Variants in RADIL observed in about 807,000 individuals in gnomAD.
RADIL encodes the protein ras-associating and dilute domain-containing protein.
A neutral mutation model predicts 97.6 loss-of-function variants in RADIL; 99 were observed. The ratio of observed to expected loss-of-function variants is 1.01; its 90% confidence interval spans 0.86 to 1.20. The LOEUF (loss-of-function observed/expected upper bound fraction) is 1.20. Ranked by LOEUF, RADIL falls within the 50% of genes most tolerant of loss-of-function variation. The pLI is 0.00. For synonymous variants in RADIL, 803 were observed against 691.8 expected (o/e 1.16, Z -2.52); for missense variants, 1,765 against 1,498.9 (o/e 1.18, Z -2.93).
rs2115008345 is a variant in RADIL, at chr7:4,840,123, C to T, written c.536-3518G>A. On this transcript the variant is annotated intron_variant, in intron 2 of 14. Coordinates refer to ENST00000399583, the MANE Select transcript of RADIL (RefSeq NM_018059.5). The surrounding 1 kb of genome is among the most constrained non-coding windows in gnomAD (Gnocchi z 5.6). Reference sequence around the variant, plus strand: ...CTCACGTGTGGCTTTGTGACTTGGCCCTGTCCCAAGATGAGGCTGCGGCAG... The same window carrying T: ...CTCACGTGTGGCTTTGTGACTTGGCTCTGTCCCAAGATGAGGCTGCGGCAG... Among the ~76,000 whole-genome samples, 1 of 152,268 alleles carries T rather than the reference C, an allele frequency of 6.6e-6. No homozygotes were observed. The highest frequency in any genetic ancestry group is 1.5e-5 in the Non-Finnish European group (1 of 68,014).
chr7:4,799,377 C>T lies in RADIL; in HGVS notation c.*1G>A. 2 of 1,613,594 alleles carry T rather than the reference C, an allele frequency of 1.2e-6. No individual in the cohort carries two copies. Among genetic ancestry groups the T allele is most frequent in the Non-Finnish European group, 1.7e-6 (2 of 1,179,946 alleles). ...CCTGTGGGGGTGTCCTCGCAGCCCC[C>T]CTAGAGAGGGGGCGTGCGGAAATGG... On this transcript the variant is annotated 3_prime_UTR_variant, in exon 15 of 15. Transcript: ENST00000399583.
At position 4,875,148 on chromosome 7, in the gene RADIL, T is replaced by G. The variant is rs185577549; in HGVS notation, c.535+2457A>C. 2.3e-4 allele frequency among the ~76,000 whole-genome samples: 31 copies of G among 136,166 alleles called. 4 individuals are homozygous for G. The highest frequency in any genetic ancestry group is 9.9e-4 in the African/African-American group (29 of 29,202). The allele number at this position is 136,166 out of a possible 152,430, so 89.3% of individuals were successfully genotyped here. ...CGGAGCTTGCAGTGAGCCGAGATTGTGCCACTGCACTCCAGCCTGGGCGAC... is the reference window on the plus strand; with the variant it reads ...CGGAGCTTGCAGTGAGCCGAGATTGGGCCACTGCACTCCAGCCTGGGCGAC... On this transcript the variant is annotated intron_variant, in intron 2 of 14. Transcript: ENST00000399583.
rs778376194 is a variant in RADIL at position 4,801,941 on chromosome 7, C to G, written c.2554G>C (p.Ala852Pro). 20 of 1,565,058 alleles carry G rather than the reference C, an allele frequency of 1.3e-5. No homozygotes were observed. Among genetic ancestry groups the G allele is most frequent in the Non-Finnish European group, 1.6e-5 (19 of 1,158,234 alleles). The change falls in exon 12 of 15, where the codon GCT becomes CCT. Residue 852 changes from alanine (A) to proline (P), a missense_variant. Ala to Pro is a conservative substitution (Grantham distance 27, BLOSUM62 -1). Coordinates refer to ENST00000399583, the MANE Select transcript of RADIL (RefSeq NM_018059.5). ...GCTGCTGGGCCAGGGTCCCTGGGAG[C>G]CAGGGGGCAGCTCGGGGCCTCCAGG... ...GHLEAPSCPL[A>P]PRDPGPAARE... is the part of the protein sequence containing the mutation.
intron 9 of RADIL, among the ~76,000 whole-genome samples, chr7:4,812,813 C>T (rs1005381399): frequency 2.0e-5 from 3 of 152,144 alleles, no homozygotes; most frequent in East Asian, 1.9e-4. Flanking sequence ...AGCTCTCATC[C>T]GTCATCTCCT....
intron 9 of RADIL, chr7:4,809,216 T>C: frequency 2.0e-6 from 2 of 985,276 alleles, no homozygotes; most frequent in Non-Finnish European, 2.4e-6. Context: ...GACTCGGGCC[T>C]GCCCATCTCC....
intron 2 of RADIL, chr7:4,859,872 G>T: frequency 6.8e-7 from 1 of 1,480,190 alleles, no homozygotes; most frequent in Non-Finnish European, 9.3e-7. Context: ...TTCTTTATGA[G>T]GCAAGAATAT....
Position 4,819,961 on chromosome 7 carries a change from C to T in RADIL, c.1615+2433G>A, listed in dbSNP as rs867380536. On this transcript the variant is annotated intron_variant, in intron 6 of 14. Transcript: ENST00000399583. The surrounding 1 kb of genome is among the most constrained non-coding windows in gnomAD (Gnocchi z 5.8). ...AATTTTTCCCATGAAGAGCAGCCAG[C>T]ACGGGGACCACATGGGACCCAGCTG... is the stretch of plus-strand genomic sequence containing the variant. 1.3e-5 allele frequency among the ~76,000 whole-genome samples: 2 copies of T among 152,224 alleles called. No homozygotes were observed. Among genetic ancestry groups the T allele is most frequent in the African/African-American group, 4.8e-5 (2 of 41,472 alleles).
At chr7:4,871,565 C>A (rs1187579184) in intron 2 of RADIL, among the ~76,000 whole-genome samples, 1 of 152,214 alleles carries the variant, frequency 6.6e-6, no homozygotes, top group Non-Finnish European at 1.5e-5. Flanking sequence ...CATCGCAGCA[C>A]TGGGGGCAGG....
At chr7:4,838,218 T>G (rs943240703) in intron 2 of RADIL, among the ~76,000 whole-genome samples, 1 of 149,426 alleles carries the variant, frequency 6.7e-6, no homozygotes, top group Non-Finnish European at 1.5e-5. Context: ...CCCTACCTCA[T>G]CCCACCCGCC....
At position 4,878,353 on chromosome 7, in the gene RADIL, G is replaced by A. The variant is rs748966474; in HGVS notation, c.-64-150C>T. The stretch of plus-strand genomic sequence containing the variant: ...GAGCCCGGGAGTTCCAGACCAGCCT[G>A]GGAAACATAGTAAGGCCCCGGCTCT... On this transcript the variant is annotated intron_variant, in intron 1 of 14. Transcript: ENST00000399583. The surrounding 1 kb of genome is among the most constrained non-coding windows in gnomAD (Gnocchi z 4.1). 3 of 604,656 alleles carry A rather than the reference G, an allele frequency of 5.0e-6. No individual in the cohort carries two copies. Among genetic ancestry groups the A allele is most frequent in the Non-Finnish European group, 8.6e-6 (3 of 348,146 alleles). The allele number at this position is 604,656 out of a possible 1,614,324, so 37.5% of individuals were successfully genotyped here. A position where few individuals can be genotyped will look rare whatever the true frequency, so the allele number is the denominator to read the frequency against.
Position 4,878,293 on chromosome 7 carries a change from C to CCG in RADIL, c.-64-91_-64-90insCG. The CCG allele has an allele frequency of 3.4e-6, 3 of 871,338 alleles. No homozygotes were observed. Among genetic ancestry groups the CCG allele is most frequent in the South Asian group, 3.7e-5 (2 of 54,344 alleles). 54.0% of individuals were successfully genotyped at this position (871,338 alleles called of 1,614,324 possible). On this transcript the variant is annotated intron_variant, in intron 1 of 14. Transcript: ENST00000399583. This position sits in a 1 kb window ranked among gnomAD's most constrained non-coding sequence, Gnocchi z 4.1. ...AGGCGGTGACTCCTGCCCGTCATCC[C>CCG]AGCGCTTTAGAAGGCCAAGGTGGGA...
intron 11 of RADIL, among the ~76,000 whole-genome samples, chr7:4,802,780 C>T (rs1356296112): frequency 3.3e-5 from 4 of 120,452 alleles, no homozygotes; most frequent in Non-Finnish European, 6.9e-5. Context: ...GGCTGGGGGG[C>T]CCCCTCCCCA....
At chr7:4,807,442 C>A (rs1583265426) in intron 9 of RADIL, among the ~76,000 whole-genome samples, 1 of 151,940 alleles carries the variant, frequency 6.6e-6, no homozygotes, top group African/African-American at 2.4e-5. Context: ...AGATCAGCTT[C>A]AAGGGAACAG....
At chr7:4,863,405 G>A (rs59791060) in intron 2 of RADIL, among the ~76,000 whole-genome samples, 3,811 of 152,250 alleles carry the variant, frequency 0.025, 147 homozygotes, top group African/African-American at 0.086. Flanking sequence ...AACTCAGAGT[G>A]GTATTACCTC....
intron 2 of RADIL, among the ~76,000 whole-genome samples, chr7:4,870,696 G>A (rs538049736): frequency 3.9e-5 from 6 of 152,110 alleles, no homozygotes; most frequent in Admixed American, 1.3e-4. Context: ...CACCCTCCTC[G>A]GCCTCCCAAA....
rs988234897 is a variant in RADIL at position 4,840,038 on chromosome 7, C to T, written c.536-3433G>A. Among the ~76,000 whole-genome samples, 4 of 152,178 alleles carry T rather than the reference C, an allele frequency of 2.6e-5. No individual in the cohort carries two copies. Among genetic ancestry groups the T allele is most frequent in the Admixed American group, 6.5e-5 (1 of 15,276 alleles). On this transcript the variant is annotated intron_variant, in intron 2 of 14. Coordinates refer to ENST00000399583, the MANE Select transcript of RADIL (RefSeq NM_018059.5). This position sits in a 1 kb window ranked among gnomAD's most constrained non-coding sequence, Gnocchi z 5.6. ...TGTTGGAATTACAGGCGTGAGCCAC[C>T]GCGCCCAGCATAAACACTTTTGTTA...
At chr7:4,877,524 A>T in intron 2 of RADIL, 81 bp downstream of exon 2, 1 of 1,476,172 alleles carries the variant, frequency 6.8e-7, no homozygotes, top group Non-Finnish European at 9.1e-7. Flanking sequence ...TGTCCCCTGC[A>T]CCACTCCTTC....
intron 9 of RADIL, chr7:4,808,919 G>T (rs1177178316): frequency 4.9e-5 from 39 of 795,246 alleles, no homozygotes; most frequent in Non-Finnish European, 5.0e-5. Context: ...GCCCCCCCAC[G>T]TCTCCTTCCA....
chr7:4,852,820 G>A (rs1026755286), intron 2 of RADIL, among the ~76,000 whole-genome samples: 3 of 152,192 alleles, frequency 2.0e-5, no homozygotes, highest in African/African-American at 7.2e-5. Context: ...TGGGATTACA[G>A]GCGTGAGCCA....
Sources: gnomAD v4.1 joint callset for allele counts (sites outside exome capture counted in the v4.1 genomes callset) on GRCh38, gnomAD v4.1.1 for gene constraint, Gnocchi (gnomAD v3.1) non-coding constraint, MANE v1.5 for transcripts, NCBI Gene and HGNC (gene_info 2026-07-23, HGNC 2026-07-21) for gene names.